SUCLG2: variants seen among roughly 807,000 people sequenced by gnomAD.
The protein encoded by SUCLG2 is succinate-CoA ligase GDP-forming subunit beta.
SUCLG2 carries 42 observed loss-of-function variants against 47.9 expected under a neutral mutation model. The observed-to-expected ratio is 0.88, with a 90% CI of 0.69 to 1.14. The LOEUF is 1.14. Ranked by LOEUF, SUCLG2 falls within the 50% of genes most tolerant of loss-of-function variation. The probability of loss-of-function intolerance (pLI) is 0.00; values close to 1 mark genes in which losing one functional copy is unlikely to be tolerated. For synonymous variants in SUCLG2, 195 were observed against 197.3 expected, an observed-to-expected ratio of 0.99 and a Z score of 0.10; for missense variants, 571 against 525.9, an observed-to-expected ratio of 1.09 and a Z score of -0.84.
At chr3:67,426,018 AC>A (rs1327955359) in intron 9 of SUCLG2, among the ~76,000 whole-genome samples, 4 of 152,196 alleles carry the variant, frequency 2.6e-5, no homozygotes, top group African/African-American at 9.6e-5. Context: ...TAACTCAATT[AC>A]CAACTGTCTC....
Position 67,609,488 on chromosome 3 carries a change from C to G in SUCLG2, c.193G>C (p.Ala65Pro). Residue 65 changes from alanine (A) to proline (P), a missense_variant, in exon 2 of 11, where the codon GCA becomes CCA. Coordinates refer to ENST00000307227, the MANE Select transcript of SUCLG2 (RefSeq NM_003848.4). ...RVQRFFVADT[A>P]NEALEAAKRL... ...TTAGCAGCCTCGAGAGCTTCATTTG[C>G]AGTGTCTGCTACAAAGAATCTTTGA... 6.2e-7 allele frequency: 1 copy of G among 1,613,190 alleles called. No individual in the cohort carries two copies. Among genetic ancestry groups the G allele is most frequent in the East Asian group, 2.2e-5 (1 of 44,866 alleles).
intron 1 of SUCLG2, among the ~76,000 whole-genome samples, chr3:67,653,417 C>G (rs982687550): frequency 8.6e-5 from 13 of 152,030 alleles, no homozygotes; most frequent in African/African-American, 3.1e-4. Flanking sequence ...TTAACAATAA[C>G]AGAGAAATGG....
intron 1 of SUCLG2, among the ~76,000 whole-genome samples, chr3:67,619,901 G>A (rs1700703832): frequency 6.6e-6 from 1 of 152,186 alleles, no homozygotes; most frequent in African/African-American, 2.4e-5. Flanking sequence ...CATCCTTTCA[G>A]AATGCCTGTC....
chr3:67,642,199 G>A (rs569046734), intron 1 of SUCLG2, among the ~76,000 whole-genome samples: 1 of 152,274 alleles, frequency 6.6e-6, no homozygotes, highest in South Asian at 2.1e-4. Flanking sequence ...CCATTATCAG[G>A]CATAATTCAG....
At chr3:67,504,088 T>C (rs933921037) in intron 7 of SUCLG2, among the ~76,000 whole-genome samples, 1 of 152,242 alleles carries the variant, frequency 6.6e-6, no homozygotes, top group African/African-American at 2.4e-5. Context: ...TTGTGATAAA[T>C]AACCATAATG....
intron 1 of SUCLG2, among the ~76,000 whole-genome samples, chr3:67,633,795 A>G (rs2107356416): frequency 6.6e-6 from 1 of 152,290 alleles, no homozygotes; most frequent in African/African-American, 2.4e-5. Context: ...GGTCTCGCTC[A>G]GTGTGGTTCC....
intron 9 of SUCLG2, among the ~76,000 whole-genome samples, chr3:67,433,963 C>A (rs1050154995): frequency 6.6e-6 from 1 of 152,004 alleles, no homozygotes; most frequent in African/African-American, 2.4e-5. Flanking sequence ...TCAATACCTA[C>A]GAGAACTCTG....
At chr3:67,586,926 G>A (rs753053832) in intron 2 of SUCLG2, among the ~76,000 whole-genome samples, 8 of 152,012 alleles carry the variant, frequency 5.3e-5, no homozygotes, top group Non-Finnish European at 7.4e-5. Context: ...TCACCACCAC[G>A]ACTATCCTCC....
intron 9 of SUCLG2, among the ~76,000 whole-genome samples, chr3:67,456,408 C>T (rs1046390973): frequency 4.6e-5 from 7 of 152,170 alleles, no homozygotes; most frequent in Admixed American, 1.3e-4. Flanking sequence ...AACTGAAAAA[C>T]ATGTTTGTCT....
intron 10 of SUCLG2, among the ~76,000 whole-genome samples, chr3:67,387,788 A>G (rs1702292541): frequency 6.6e-6 from 1 of 152,180 alleles, no homozygotes; most frequent in African/African-American, 2.4e-5. Flanking sequence ...TAAATTTGTT[A>G]GATGATCAGA....
At chr3:67,393,536 A>G (rs1702445898) in intron 10 of SUCLG2, among the ~76,000 whole-genome samples, 1 of 152,198 alleles carries the variant, frequency 6.6e-6, no homozygotes. Flanking sequence ...AACTGGGTGG[A>G]ACCCACCACA....
chr3:67,361,866 T>C (rs1164601609), intron 10 of SUCLG2, among the ~76,000 whole-genome samples: 1 of 152,180 alleles, frequency 6.6e-6, no homozygotes, highest in Non-Finnish European at 1.5e-5. Context: ...TTGGTTTTGC[T>C]CTTGCTCCTC....
At chr3:67,466,424 A>G (rs56407038) in intron 9 of SUCLG2, among the ~76,000 whole-genome samples, 5,789 of 152,312 alleles carry the variant, frequency 0.038, 292 homozygotes, top group East Asian at 0.23. Flanking sequence ...GGGCATTAAC[A>G]TACTAGGTAA....
intron 2 of SUCLG2, among the ~76,000 whole-genome samples, chr3:67,557,245 T>A (rs1707185900): frequency 6.6e-6 from 1 of 152,190 alleles, no homozygotes; most frequent in South Asian, 2.1e-4. Flanking sequence ...TTTTAAGAAA[T>A]ACTAATATCA....
At chr3:67,552,178 A>G (rs1288596463) in intron 2 of SUCLG2, among the ~76,000 whole-genome samples, 1 of 150,230 alleles carries the variant, frequency 6.7e-6, no homozygotes, top group Non-Finnish European at 1.5e-5. Flanking sequence ...ATCTCAAAAA[A>G]AAAAAAAAAA....
intron 9 of SUCLG2, among the ~76,000 whole-genome samples, chr3:67,489,436 C>G (rs888284124): frequency 2.0e-4 from 30 of 152,060 alleles, no homozygotes; most frequent in Non-Finnish European, 3.4e-4. Flanking sequence ...ACCAGCTGAT[C>G]AACACAAAAT....
intron 7 of SUCLG2, among the ~76,000 whole-genome samples, chr3:67,502,967 G>A (rs1403844290): frequency 6.6e-6 from 1 of 152,190 alleles, no homozygotes; most frequent in African/African-American, 2.4e-5. Flanking sequence ...CAAGGCTAAA[G>A]ATTGGTACAG....
intron 8 of SUCLG2, among the ~76,000 whole-genome samples, chr3:67,497,322 G>T (rs1265212184): frequency 6.6e-6 from 1 of 152,086 alleles, no homozygotes; most frequent in African/African-American, 2.4e-5. Context: ...TAAGACCTCA[G>T]TTTCCAGTAC....
intron 10 of SUCLG2, among the ~76,000 whole-genome samples, chr3:67,381,817 G>A (rs1206503554): frequency 2.0e-5 from 3 of 152,178 alleles, no homozygotes; most frequent in Non-Finnish European, 1.5e-5. Flanking sequence ...TTATTAAAAT[G>A]TTAAAAATTC....
Sources: allele counts gnomAD v4.1 joint callset (sites outside exome capture counted in the v4.1 genomes callset), GRCh38; gene constraint gnomAD v4.1.1; transcripts MANE v1.5; gene names NCBI Gene and HGNC (gene_info 2026-07-23, HGNC 2026-07-21).